Variants in LRRTM4 observed in about 807,000 individuals in gnomAD.
The protein encoded by LRRTM4 is leucine-rich repeat transmembrane neuronal protein 4.
In LRRTM4, 25 loss-of-function variants were observed where a neutral mutation model predicts 47.6. That is an observed-to-expected ratio of 0.53 (90% CI 0.38 to 0.73). LRRTM4 has a LOEUF of 0.73. LRRTM4 is among the 30% of genes least tolerant of loss of function. LRRTM4 has a pLI of 0.00. For synonymous variants in LRRTM4, 311 were observed against 269.5 expected, an observed-to-expected ratio of 1.15 and a Z score of -1.51; for missense variants, 638 against 713.4, an observed-to-expected ratio of 0.89 and a Z score of 1.20.
chr2:77,171,003 A>G (rs1034429418), intron 3 of LRRTM4, among the ~76,000 whole-genome samples: 7 of 151,058 alleles, frequency 4.6e-5, no homozygotes, highest in African/African-American at 1.7e-4. Flanking sequence ...TTATATATGT[A>G]TATATATTAT....
chr2:77,152,831 A>G (rs1355074481), intron 3 of LRRTM4, among the ~76,000 whole-genome samples: 1 of 152,142 alleles, frequency 6.6e-6, no homozygotes, highest in African/African-American at 2.4e-5. Context: ...ACAGTTATAT[A>G]AATGTATGAG....
intron 3 of LRRTM4, among the ~76,000 whole-genome samples, chr2:76,886,159 G>A (rs1301005221): frequency 1.3e-5 from 2 of 152,096 alleles, no homozygotes; most frequent in Non-Finnish European, 2.9e-5. Context: ...GGGGCTAAAA[G>A]CATTACAAAA....
At chr2:77,513,334 G>A (rs146189438) in intron 3 of LRRTM4, among the ~76,000 whole-genome samples, 22 of 152,130 alleles carry the variant, frequency 1.4e-4, no homozygotes, top group African/African-American at 5.1e-4. Context: ...TCAGTTCTGA[G>A]AATGACCATA....
intron 3 of LRRTM4, among the ~76,000 whole-genome samples, chr2:77,467,787 G>A (rs1377272587): frequency 6.6e-6 from 1 of 152,106 alleles, no homozygotes; most frequent in Non-Finnish European, 1.5e-5. Flanking sequence ...CATAAGTTTG[G>A]ATGGTAGGGA....
intron 3 of LRRTM4, among the ~76,000 whole-genome samples, chr2:76,780,348 C>G (rs1674300746): frequency 6.6e-6 from 1 of 152,172 alleles, no homozygotes; most frequent in Non-Finnish European, 1.5e-5. Context: ...TAATCTCCTG[C>G]AGAGTGTTTT....
intron 3 of LRRTM4, among the ~76,000 whole-genome samples, chr2:77,067,781 T>C (rs1306919731): frequency 6.6e-6 from 1 of 151,232 alleles, no homozygotes; most frequent in Non-Finnish European, 1.5e-5. Flanking sequence ...CAATGTATAC[T>C]AATTTCTGAG....
At chr2:77,353,685 TTTA>T (rs58919757) in intron 3 of LRRTM4, among the ~76,000 whole-genome samples, 7 of 151,162 alleles carry the variant, frequency 4.6e-5, no homozygotes, top group Admixed American at 2.0e-4. Context: ...TGCTGCTTAA[TTTA>T]TTATTATTAT....
At chr2:77,362,827 A>T (rs930008509) in intron 3 of LRRTM4, among the ~76,000 whole-genome samples, 6 of 152,190 alleles carry the variant, frequency 3.9e-5, no homozygotes, top group Non-Finnish European at 8.8e-5. Context: ...AAGAAAAAAC[A>T]TGCCTGTAGG....
chr2:77,426,287 C>T (rs890713698), intron 3 of LRRTM4, among the ~76,000 whole-genome samples: 5 of 152,118 alleles, frequency 3.3e-5, no homozygotes, highest in Non-Finnish European at 2.9e-5. Context: ...TAACCTTTTC[C>T]CTTAATGTAT....
intron 3 of LRRTM4, among the ~76,000 whole-genome samples, chr2:77,480,822 G>GCAGAGAGA: frequency 1.3e-5 from 1 of 74,520 alleles, no homozygotes; most frequent in East Asian, 4.7e-4. Context: ...GTGTGTGTGT[G>GCAGAGAGA]GAGAGAGAGA....
chr2:76,863,208 T>C (rs1362353507), intron 3 of LRRTM4, among the ~76,000 whole-genome samples: 2 of 152,194 alleles, frequency 1.3e-5, no homozygotes, highest in Admixed American at 6.5e-5. Context: ...GCCAGGTACA[T>C]GCATAAGATA....
intron 3 of LRRTM4, among the ~76,000 whole-genome samples, chr2:77,034,559 T>C (rs1372938842): frequency 6.6e-6 from 1 of 151,944 alleles, no homozygotes; most frequent in Admixed American, 6.6e-5. Flanking sequence ...TGGGGAAATC[T>C]GGATTTCTCA....
intron 3 of LRRTM4, among the ~76,000 whole-genome samples, chr2:77,041,411 T>G (rs1003800833): frequency 6.6e-6 from 1 of 151,524 alleles, no homozygotes; most frequent in Admixed American, 6.6e-5. Flanking sequence ...CATCTTGATT[T>G]CCTTTCCTTT....
intron 3 of LRRTM4, among the ~76,000 whole-genome samples, chr2:77,379,381 G>A (rs763747714): frequency 6.6e-6 from 1 of 151,950 alleles, no homozygotes; most frequent in Non-Finnish European, 1.5e-5. Context: ...ATTTGGCACG[G>A]CAATATACAA....
intron 3 of LRRTM4, among the ~76,000 whole-genome samples, chr2:77,323,556 G>A (rs533364210): frequency 6.6e-6 from 1 of 152,190 alleles, no homozygotes; most frequent in South Asian, 2.1e-4. Context: ...GGCATTGATA[G>A]CAGTTATTAT....
chr2:76,894,878 T>C (rs1193820775), intron 3 of LRRTM4, among the ~76,000 whole-genome samples: 1 of 151,622 alleles, frequency 6.6e-6, no homozygotes, highest in Non-Finnish European at 1.5e-5. Flanking sequence ...TTATTTACAA[T>C]GTATAGTCTC....
At chr2:76,944,155 G>A (rs1280789095) in intron 3 of LRRTM4, among the ~76,000 whole-genome samples, 3 of 152,022 alleles carry the variant, frequency 2.0e-5, no homozygotes, top group African/African-American at 7.3e-5. Flanking sequence ...GGATATTCGA[G>A]TCACACTAGC....
chr2:76,971,972 T>G (rs1676235136), intron 3 of LRRTM4, among the ~76,000 whole-genome samples: 1 of 152,100 alleles, frequency 6.6e-6, no homozygotes, highest in Non-Finnish European at 1.5e-5. Flanking sequence ...ATCATGCTAT[T>G]TCATTTACTT....
chr2:77,472,837 G>A (rs1034245590), intron 3 of LRRTM4, among the ~76,000 whole-genome samples: 10 of 150,440 alleles, frequency 6.6e-5, no homozygotes, highest in Admixed American at 6.6e-4. Context: ...CTATATGGCT[G>A]GTGAATGAAA....
Sources: gnomAD v4.1 joint callset for allele counts (sites outside exome capture counted in the v4.1 genomes callset) on GRCh38, gnomAD v4.1.1 for gene constraint, MANE v1.5 for transcripts, NCBI Gene and HGNC (gene_info 2026-07-23, HGNC 2026-07-21) for gene names.